Variants in DEFB108B observed in about 807,000 individuals in gnomAD.
DEFB108B encodes defensin beta 108B, also known as beta-defensin 108B.
A neutral mutation model predicts 2.4 loss-of-function variants in DEFB108B; 3 were observed. The observed-to-expected ratio is 1.25, with a 90% CI of 0.57 to 3.24. The LOEUF is 3.24. DEFB108B is among the 30% of genes most tolerant of loss of function. The probability of loss-of-function intolerance (pLI) is 0.03; values close to 1 mark genes in which losing one functional copy is unlikely to be tolerated. For missense variants in DEFB108B, 101 were observed against 87.8 expected, an observed-to-expected ratio of 1.15 and a Z score of -0.60; for synonymous variants, 25 against 28.7, an observed-to-expected ratio of 0.87 and a Z score of 0.41.
intron 1 of DEFB108B, among the ~76,000 whole-genome samples, chr11:71,836,642 C>T (rs1195026533): frequency 6.6e-6 from 1 of 152,122 alleles, no homozygotes; most frequent in African/African-American, 2.4e-5. Context: ...ATGTTTTCAA[C>T]AAGTATAGTT....
At position 71,836,451 on chromosome 11, in the gene DEFB108B, GA is replaced by G. The variant is rs990962276; in HGVS notation, c.59-938del. ...GAATTGGCTTTTGTGTTCCAGAATA[GA>G]AAAAAAAAAGTGCTGGTTTTTATAC... On this transcript the variant is annotated intron_variant, in intron 1 of 1. Transcript: ENST00000328698. Among the ~76,000 whole-genome samples, 538 of 148,056 alleles carry G rather than the reference GA, an allele frequency of 3.6e-3. 3 individuals are homozygous for G. Among genetic ancestry groups the G allele is most frequent in the South Asian group, 0.014 (63 of 4,664 alleles).
Position 71,834,535 on chromosome 11 carries a change from A to G in DEFB108B, c.58+1278A>G, listed in dbSNP as rs780387000. ...ATAGAAGCAACTAATTGGATAGAAC[A>G]GCACAGGCAGAAGCATTACTCACAG... On this transcript the variant is annotated intron_variant, in intron 1 of 1. Transcript: ENST00000328698. Among the ~76,000 whole-genome samples the G allele has an allele frequency of 4.0e-4, 61 of 152,236 alleles. 1 individual carries two copies. Among genetic ancestry groups the G allele is most frequent in the Non-Finnish European group, 7.9e-4 (54 of 68,050 alleles).
chr11:71,837,352 T>G (rs774429781), intron 1 of DEFB108B, 47 bp from the exon 2 acceptor site: 13 of 1,605,266 alleles, frequency 8.1e-6, no homozygotes, highest in Non-Finnish European at 1.1e-5. Context: ...CAACACAAAG[T>G]AAAGAAAGAC....
rs754559325 is a variant in DEFB108B, at chr11:71,833,208, T to A, written c.9T>A (p.Ile3=). Residue 3 remains isoleucine, a synonymous_variant, in exon 1 of 2, where the codon ATT becomes ATA. Coordinates refer to ENST00000328698, the MANE Select transcript of DEFB108B (RefSeq NM_001002035.2). The part of the protein sequence containing the change: MR[I]AVLLFAIFFF... The stretch of plus-strand genomic sequence containing the variant: ...TTTTTCTTTCTTCAGCCATGAGGAT[T>A]GCTGTCCTCCTCTTCGCCATTTTCT... 3.1e-6 allele frequency: 5 copies of A among 1,598,164 alleles called. 1 individual carries two copies. The East Asian group carries it at 1.1e-4, about 36-fold the overall frequency.
chr11:71,833,775 C>T (rs1160428857), intron 1 of DEFB108B, among the ~76,000 whole-genome samples: 3 of 152,180 alleles, frequency 2.0e-5, no homozygotes, highest in African/African-American at 4.8e-5. Context: ...CATCTCCATC[C>T]CTGGCTTTCC....
At chr11:71,835,139 T>G (rs1409807468) in intron 1 of DEFB108B, among the ~76,000 whole-genome samples, 14 of 152,246 alleles carry the variant, frequency 9.2e-5, no homozygotes, top group Admixed American at 9.2e-4. Context: ...TGCAGATTTG[T>G]TACATGGGTA....
chr11:71,833,548 C>T (rs1019915058), intron 1 of DEFB108B, among the ~76,000 whole-genome samples: 1 of 152,200 alleles, frequency 6.6e-6, no homozygotes, highest in African/African-American at 2.4e-5. Flanking sequence ...CATTATTCTA[C>T]TAAATCTTGG....
At chr11:71,833,702 T>A (rs1044584189) in intron 1 of DEFB108B, among the ~76,000 whole-genome samples, 3 of 152,148 alleles carry the variant, frequency 2.0e-5, no homozygotes, top group Non-Finnish European at 4.4e-5. Flanking sequence ...ATCTAAGAAA[T>A]CTTTAACCTA....
intron 1 of DEFB108B, among the ~76,000 whole-genome samples, chr11:71,834,173 T>C (rs1952199622): frequency 6.6e-6 from 1 of 152,172 alleles, no homozygotes; most frequent in African/African-American, 2.4e-5. Context: ...CCCTAATACA[T>C]CCCACCCTGG....
At chr11:71,837,268 A>T (rs555752239) in intron 1 of DEFB108B, 131 bp from the exon 2 acceptor site, 167 of 442,580 alleles carry the variant, frequency 3.8e-4, no homozygotes, top group Non-Finnish European at 5.1e-4. Context: ...AAATCAAATC[A>T]CACACACACA....
intron 1 of DEFB108B, among the ~76,000 whole-genome samples, chr11:71,835,778 G>A (rs1292055888): frequency 1.3e-5 from 2 of 152,142 alleles, no homozygotes; most frequent in African/African-American, 2.4e-5. Flanking sequence ...GAAAACAGCT[G>A]TATTTTAATC....
At chr11:71,834,174 C>T (rs1952199647) in intron 1 of DEFB108B, among the ~76,000 whole-genome samples, 1 of 152,148 alleles carries the variant, frequency 6.6e-6, no homozygotes, top group South Asian at 2.1e-4. Flanking sequence ...CCTAATACAT[C>T]CCACCCTGGA....
At chr11:71,834,952 A>T (rs1250368326) in intron 1 of DEFB108B, 3 of 152,250 alleles carry the variant, frequency 2.0e-5, no homozygotes, top group Non-Finnish European at 1.5e-5. Context: ...TGTCCACAAT[A>T]TGCAATACAC....
At chr11:71,834,418 C>A (rs1329775315) in intron 1 of DEFB108B, among the ~76,000 whole-genome samples, 1 of 151,976 alleles carries the variant, frequency 6.6e-6, no homozygotes, top group African/African-American at 2.4e-5. Context: ...ACATATATAA[C>A]CCCAGAAAAT....
intron 1 of DEFB108B, among the ~76,000 whole-genome samples, chr11:71,833,921 T>A (rs1952197698): frequency 6.6e-6 from 1 of 152,180 alleles, no homozygotes; most frequent in Non-Finnish European, 1.5e-5. Context: ...TGCACAGACA[T>A]GCTTTGGAGA....
intron 1 of DEFB108B, among the ~76,000 whole-genome samples, chr11:71,836,136 G>A (rs1270833000): frequency 1.3e-5 from 2 of 152,186 alleles, no homozygotes; most frequent in African/African-American, 2.4e-5. Flanking sequence ...CAGATAAAAG[G>A]AAGAGATGGA....
intron 1 of DEFB108B, among the ~76,000 whole-genome samples, chr11:71,834,013 A>G (rs567711579): frequency 3.9e-5 from 6 of 152,322 alleles, no homozygotes; most frequent in Non-Finnish European, 7.4e-5. Flanking sequence ...GGAACTCCTG[A>G]ACATGTGTAT....
intron 1 of DEFB108B, among the ~76,000 whole-genome samples, chr11:71,836,094 G>T (rs1952214894): frequency 6.6e-6 from 1 of 152,186 alleles, no homozygotes; most frequent in Non-Finnish European, 1.5e-5. Context: ...CAGTGGGCTT[G>T]GGTACTACTA....
At position 71,836,847 on chromosome 11, in the gene DEFB108B, CCT is replaced by C. The variant is rs1294348090; in HGVS notation, c.59-547_59-546del. On this transcript the variant is annotated intron_variant, in intron 1 of 1. Coordinates refer to ENST00000328698, the MANE Select transcript of DEFB108B (RefSeq NM_001002035.2). ...TTGTTCCCTTCCACAGGAAAAATAT[CCT>C]CTCTAACAATTAAAGTATATTGTCT... Among the ~76,000 whole-genome samples the C allele has an allele frequency of 2.6e-5, 4 of 152,060 alleles. No individual in the cohort carries two copies. In the East Asian group the frequency reaches 7.7e-4, roughly 29 times the overall value.
Sources: allele counts gnomAD v4.1 joint callset (sites outside exome capture counted in the v4.1 genomes callset), GRCh38; gene constraint gnomAD v4.1.1; transcripts MANE v1.5; gene names NCBI Gene and HGNC (gene_info 2026-07-23, HGNC 2026-07-21).